The following ADAM12 variants were observed in gnomAD, a reference collection of about 807,000 sequenced individuals.
The protein encoded by ADAM12 is ADAM metallopeptidase domain 12.
ADAM12 carries 70 observed loss-of-function variants against 106.4 expected under a neutral mutation model. The observed-to-expected ratio is 0.66, with a 90% CI of 0.54 to 0.80. ADAM12 has a LOEUF of 0.80. Among genes scored for constraint, ADAM12 ranks in the 30% least tolerant of loss-of-function variants. ADAM12 has a pLI of 0.00. For missense variants in ADAM12, 1,010 were observed against 1,171.9 expected (o/e 0.86, Z 2.02); for synonymous variants, 420 against 433.5 (o/e 0.97, Z 0.39).
chr10:126,084,356 C>T (rs1955294299), intron 11 of ADAM12, among the ~76,000 whole-genome samples: 1 of 152,100 alleles, frequency 6.6e-6, no homozygotes, highest in African/African-American at 2.4e-5. Flanking sequence ...GGACCTCAGC[C>T]CATCAGAGGC....
In ADAM12 at chr10:126,155,418, A is replaced by G. The variant is rs1459503267; in HGVS notation, c.261-113T>C. 3 of 853,782 alleles carry G rather than the reference A, an allele frequency of 3.5e-6. 1 individual carries two copies. Among genetic ancestry groups the G allele is most frequent in the Non-Finnish European group, 5.3e-6 (3 of 561,786 alleles). 52.9% of individuals were successfully genotyped at this position (853,782 alleles called of 1,614,324 possible). A position where few individuals can be genotyped will look rare whatever the true frequency, so the allele number is the denominator to read the frequency against. On this transcript the variant is annotated intron_variant, in intron 3 of 22. Coordinates refer to ENST00000448723, the MANE Select transcript of ADAM12 (RefSeq NM_001288973.2). ...ATTGTGACCTCCTTTTTTTTTTTTT[A>G]ACAGATAATCCAAGGAAGCTCCCAT...
intron 4 of ADAM12, among the ~76,000 whole-genome samples, chr10:126,150,725 C>T (rs1172848625): frequency 2.0e-5 from 3 of 152,176 alleles, no homozygotes; most frequent in African/African-American, 7.2e-5. Flanking sequence ...TACCAATATT[C>T]CTACCAATCT....
At chr10:126,201,350 A>G (rs1339085134) in intron 3 of ADAM12, among the ~76,000 whole-genome samples, 1 of 152,174 alleles carries the variant, frequency 6.6e-6, no homozygotes, top group African/African-American at 2.4e-5. Context: ...CCATGAGACG[A>G]AACAGAGATA....
intron 21 of ADAM12, among the ~76,000 whole-genome samples, chr10:126,035,933 G>GTAAAT (rs1207600219): frequency 6.7e-6 from 1 of 150,186 alleles, no homozygotes; most frequent in East Asian, 2.0e-4. Context: ...ATTATAACTA[G>GTAAAT]TAAATTAAAA....
intron 18 of ADAM12, among the ~76,000 whole-genome samples, chr10:126,042,506 A>G (rs1003037478): frequency 2.0e-5 from 3 of 152,166 alleles, no homozygotes; most frequent in Non-Finnish European, 4.4e-5. Flanking sequence ...CACCTTCTTC[A>G]GAGTTGTATA....
intron 1 of ADAM12, among the ~76,000 whole-genome samples, chr10:126,371,612 A>G (rs888024286): frequency 2.6e-5 from 4 of 152,224 alleles, no homozygotes; most frequent in Non-Finnish European, 5.9e-5. Context: ...ACAAGGATGT[A>G]GAGTGCTTAA....
chr10:126,313,661 G>A (rs1254790732), intron 2 of ADAM12, among the ~76,000 whole-genome samples: 1 of 152,102 alleles, frequency 6.6e-6, no homozygotes, highest in Admixed American at 6.5e-5. Flanking sequence ...CCGTCGATCT[G>A]TCTGTCTGTC....
intron 14 of ADAM12, among the ~76,000 whole-genome samples, chr10:126,050,854 C>G (rs901970730): frequency 1.3e-5 from 2 of 152,154 alleles, no homozygotes; most frequent in African/African-American, 4.8e-5. Flanking sequence ...AGCCTTGCAC[C>G]TCTCCTTTTC....
intron 4 of ADAM12, among the ~76,000 whole-genome samples, chr10:126,140,281 C>T (rs975537313): frequency 5.3e-5 from 8 of 152,208 alleles, no homozygotes; most frequent in African/African-American, 1.4e-4. Context: ...ATTTTAATTA[C>T]TGACCTCTGA....
intron 2 of ADAM12, among the ~76,000 whole-genome samples, chr10:126,308,277 A>G (rs151151736): frequency 3.3e-5 from 5 of 152,304 alleles, no homozygotes; most frequent in African/African-American, 1.2e-4. Context: ...TTTCTTGCCC[A>G]TGCAACTTGG....
At position 126,243,654 on chromosome 10, in the gene ADAM12, T is replaced by G. The variant is rs559589894; in HGVS notation, c.260+35261A>C. Among the ~76,000 whole-genome samples, 8 of 152,342 alleles carry G rather than the reference T, an allele frequency of 5.3e-5. No individual in the cohort carries two copies. The South Asian group carries it at 1.7e-3, about 32-fold the overall frequency. ...TTGACTTCTTTTAGGGGGATAAAAG[T>G]GGTATTCTTGCAGATAGCTGCTTTC... On this transcript the variant is annotated intron_variant, in intron 3 of 22. Coordinates refer to ENST00000448723, the MANE Select transcript of ADAM12 (RefSeq NM_001288973.2).
chr10:126,189,498 T>C (rs1022251250), intron 3 of ADAM12, among the ~76,000 whole-genome samples: 2 of 152,284 alleles, frequency 1.3e-5, no homozygotes, highest in East Asian at 1.9e-4. Flanking sequence ...GTACGGCTGC[T>C]CTACTCTACG....
chr10:126,321,912 G>GA (rs1554866274), intron 2 of ADAM12, among the ~76,000 whole-genome samples: 6 of 138,580 alleles, frequency 4.3e-5, no homozygotes, highest in Non-Finnish European at 9.5e-5. Flanking sequence ...GGTCGGGGGG[G>GA]GGGCTTCAGC....
At chr10:126,312,708 T>C (rs541999846) in intron 2 of ADAM12, among the ~76,000 whole-genome samples, 80 of 152,184 alleles carry the variant, frequency 5.3e-4, no homozygotes, top group African/African-American at 1.9e-3. Context: ...TTAAATACTG[T>C]TTATGTTGTA....
intron 5 of ADAM12, among the ~76,000 whole-genome samples, chr10:126,123,643 G>T (rs1188721367): frequency 1.3e-5 from 2 of 152,146 alleles, no homozygotes; most frequent in Admixed American, 6.5e-5. Context: ...TGCAGCTCCC[G>T]CCATGACCCC....
chr10:126,313,152 T>C (rs1183950961), intron 2 of ADAM12, among the ~76,000 whole-genome samples: 2 of 152,172 alleles, frequency 1.3e-5, no homozygotes, highest in Non-Finnish European at 1.5e-5. Flanking sequence ...CACTGCAAGA[T>C]GGCACCCTAG....
intron 11 of ADAM12, among the ~76,000 whole-genome samples, chr10:126,085,430 A>G (rs1048008464): frequency 3.9e-5 from 6 of 152,170 alleles, no homozygotes; most frequent in African/African-American, 1.4e-4. Context: ...CTCACTCTGC[A>G]CTTATCTAAT....
In ADAM12 at chr10:126,048,487, C is replaced by T. The variant is rs73374576; in HGVS notation, c.1917+766G>A. On this transcript the variant is annotated intron_variant, in intron 16 of 22. Coordinates refer to ENST00000448723, the MANE Select transcript of ADAM12 (RefSeq NM_001288973.2). ...AAAGACAGGAGAGTGGAGGCAACAC[C>T]TGTCCTCAGGATTCTGTCTCTGCCT... Among the ~76,000 whole-genome samples, 721 of 152,212 alleles carry T rather than the reference C, an allele frequency of 4.7e-3. 4 individuals are homozygous for T. Among genetic ancestry groups the T allele is most frequent in the African/African-American group, 0.017 (688 of 41,528 alleles).
At chr10:126,367,447 A>C (rs1855950812) in intron 1 of ADAM12, among the ~76,000 whole-genome samples, 1 of 151,984 alleles carries the variant, frequency 6.6e-6, no homozygotes, top group Admixed American at 6.6e-5. Context: ...GTATTTCCAA[A>C]TGGCTGTACT....
Sources: gnomAD v4.1 joint callset for allele counts (sites outside exome capture counted in the v4.1 genomes callset) on GRCh38, gnomAD v4.1.1 for gene constraint, MANE v1.5 for transcripts, NCBI Gene and HGNC (gene_info 2026-07-23, HGNC 2026-07-21) for gene names.